Variants in CNOT4 observed in about 807,000 individuals in gnomAD.
The protein encoded by CNOT4 is CCR4-NOT transcription complex subunit 4.
A neutral mutation model predicts 73.8 loss-of-function variants in CNOT4; 8 were observed. The ratio of observed to expected loss-of-function variants is 0.11; its 90% CI spans 0.06 to 0.20. The LOEUF is 0.20. Among genes scored for constraint, CNOT4 ranks in the 10% least tolerant of loss-of-function variants. The pLI is 1.00. For synonymous variants in CNOT4, 293 were observed against 321.1 expected (o/e 0.91, Z 0.94); for missense variants, 564 against 883.4 (o/e 0.64, Z 4.58).
At chr7:135,476,205 G>C (rs1237864456) in intron 1 of CNOT4, among the ~76,000 whole-genome samples, 1 of 152,132 alleles carries the variant, frequency 6.6e-6, no homozygotes, top group Non-Finnish European at 1.5e-5. Context: ...AGTAGGGGCT[G>C]TTATCTTCAA....
intron 7 of CNOT4, among the ~76,000 whole-genome samples, chr7:135,401,712 A>G (rs1290590301): frequency 6.6e-6 from 1 of 152,206 alleles, no homozygotes; most frequent in Non-Finnish European, 1.5e-5. Context: ...AAAGAAAAGC[A>G]GATAATATAA....
chr7:135,370,229 C>A (rs113805787), intron 10 of CNOT4, among the ~76,000 whole-genome samples: 2,909 of 152,042 alleles, frequency 0.019, 95 homozygotes, highest in African/African-American at 0.066. Context: ...ATCTTAAGAA[C>A]CCAAATAAAA....
chr7:135,455,595 C>G (rs914273978), intron 1 of CNOT4, among the ~76,000 whole-genome samples: 2 of 151,786 alleles, frequency 1.3e-5, no homozygotes, highest in Admixed American at 1.3e-4. Flanking sequence ...AAGACTAAGG[C>G]CAGGCACTGT....
intron 10 of CNOT4, chr7:135,388,659 C>A: frequency 1.5e-6 from 2 of 1,339,520 alleles, no homozygotes; most frequent in Middle Eastern, 2.0e-4. Context: ...AACACGCTAG[C>A]TGTAGGCATG....
At position 135,438,338 on chromosome 7, in the gene CNOT4, G is replaced by A. The variant is rs1365029265; in HGVS notation, c.-7C>T. ...CATCAGGACTGCGAGACATCTTCAC[G>A]TTTATTAAACAGCAGCAAAAGTTTA... On this transcript the variant is annotated 5_prime_UTR_variant, in exon 2 of 12. In the 5' UTR this introduces an upstream ATG that the reference lacks. Transcript: ENST00000541284. 6.3e-6 allele frequency: 10 copies of A among 1,583,822 alleles called. No individual in the cohort carries two copies. Among genetic ancestry groups the A allele is most frequent in the South Asian group, 1.2e-5 (1 of 85,818 alleles).
intron 1 of CNOT4, among the ~76,000 whole-genome samples, chr7:135,472,553 A>ATATATATATATG: frequency 9.7e-6 from 1 of 103,122 alleles, no homozygotes; most frequent in Non-Finnish European, 1.9e-5. Context: ...ATATATATAT[A>ATATATATATATG]TATATAAAGT....
At chr7:135,455,589 C>T (rs1224163274) in intron 1 of CNOT4, among the ~76,000 whole-genome samples, 1 of 151,486 alleles carries the variant, frequency 6.6e-6, no homozygotes, top group Non-Finnish European at 1.5e-5. Context: ...AAAAAAAAGA[C>T]TAAGGCCAGG....
chr7:135,387,035 T>C (rs1796155451), intron 10 of CNOT4: 1 of 973,434 alleles, frequency 1.0e-6, no homozygotes, highest in Non-Finnish European at 1.2e-6. Flanking sequence ...TTTGTTATAA[T>C]AACAAGGCCC....
chr7:135,489,979 A>C (rs1250208915), intron 1 of CNOT4, among the ~76,000 whole-genome samples: 2 of 152,248 alleles, frequency 1.3e-5, no homozygotes, highest in Non-Finnish European at 2.9e-5. Context: ...GTAAACAGAT[A>C]AAAGAAATGA....
intron 1 of CNOT4, among the ~76,000 whole-genome samples, chr7:135,462,146 CAAAG>C (rs1483268637): frequency 1.3e-5 from 2 of 150,822 alleles, no homozygotes; most frequent in African/African-American, 2.4e-5. Flanking sequence ...AAAGAGAAAA[CAAAG>C]AAGGTAGATT....
chr7:135,363,860 T>C lies in CNOT4; in HGVS notation c.1834A>G (p.Ile612Val). 6.3e-7 allele frequency: 1 copy of C among 1,591,352 alleles called. No individual in the cohort carries two copies. Among genetic ancestry groups the C allele is most frequent in the Non-Finnish European group, 8.5e-7 (1 of 1,175,302 alleles). ...SPGSWTDPAI[I>V]TGIPASSGNS... ...AAGGGAGTGAGAAAGTTACCTGTGA[T>C]GATGGCTGGGTCTGTCCAGCTGCCA... Residue 612 changes from isoleucine (I) to valine (V), a missense_variant, in exon 11 of 12, where the codon ATC becomes GTC. Ile to Val is a conservative substitution (Grantham distance 29, BLOSUM62 3). This residue lies in a region of CNOT4 where 53 missense variants were observed against 75.4 expected (regional missense o/e 0.70). Coordinates refer to ENST00000541284, the MANE Select transcript of CNOT4 (RefSeq NM_001190850.2). This position sits in a 1 kb window ranked among gnomAD's most constrained non-coding sequence, Gnocchi z 4.3.
At position 135,440,661 on chromosome 7, in the gene CNOT4, C is replaced by T. The variant is rs1799422891; in HGVS notation, c.-92-2238G>A. On this transcript the variant is annotated intron_variant, in intron 1 of 11. Coordinates refer to ENST00000541284, the MANE Select transcript of CNOT4 (RefSeq NM_001190850.2). ...TGCAGGCCGGGTGCAGTGGCTCACGCCTATAATCCCAGCACTTGGAGAGGC... is the reference window on the plus strand; with the variant it reads ...TGCAGGCCGGGTGCAGTGGCTCACGTCTATAATCCCAGCACTTGGAGAGGC... Among the ~76,000 whole-genome samples the T allele has an allele frequency of 2.0e-5, 3 of 152,110 alleles. No individual in the cohort carries two copies. The South Asian group carries it at 6.2e-4, about 31-fold the overall frequency.
chr7:135,469,629 C>T (rs1481426693), intron 1 of CNOT4, among the ~76,000 whole-genome samples: 1 of 152,108 alleles, frequency 6.6e-6, no homozygotes, highest in Non-Finnish European at 1.5e-5. Context: ...CTTGACTTAC[C>T]TCTCACCTCC....
intron 2 of CNOT4, among the ~76,000 whole-genome samples, chr7:135,423,820 C>A (rs112181913): frequency 1.1e-4 from 16 of 152,250 alleles, no homozygotes; most frequent in Admixed American, 8.5e-4. Flanking sequence ...ATTTGGCATA[C>A]TCCAACTTAT....
At chr7:135,399,376 A>G (rs1202157173) in intron 7 of CNOT4, among the ~76,000 whole-genome samples, 1 of 152,138 alleles carries the variant, frequency 6.6e-6, no homozygotes, top group East Asian at 1.9e-4. Flanking sequence ...TAGGCAATGT[A>G]ACATAAGGGT....
chr7:135,488,210 T>C (rs572748847), intron 1 of CNOT4, among the ~76,000 whole-genome samples: 2 of 152,148 alleles, frequency 1.3e-5, no homozygotes, highest in African/African-American at 4.8e-5. Flanking sequence ...CAGGCTGGAG[T>C]GCAGTGAGTG....
rs373762478 is a variant in CNOT4 at position 135,362,732 on chromosome 7, C to T, written c.*153G>A. The T allele has an allele frequency of 1.4e-5, 11 of 795,876 alleles. No individual in the cohort carries two copies. Among genetic ancestry groups the T allele is most frequent in the East Asian group, 9.7e-5 (4 of 41,342 alleles). 49.3% of individuals were successfully genotyped at this position (795,876 alleles called of 1,614,324 possible). ...AAAGAGATGGTAATGACCCTGTGAT[C>T]GCATTGCATCTGGGGTTAGGGAGAA... On this transcript the variant is annotated 3_prime_UTR_variant, in exon 12 of 12. Transcript: ENST00000541284.
intron 10 of CNOT4, among the ~76,000 whole-genome samples, chr7:135,385,164 C>T (rs1796059295): frequency 6.6e-6 from 1 of 152,218 alleles, no homozygotes; most frequent in Non-Finnish European, 1.5e-5. Context: ...TCTTAAAATG[C>T]TATGTTCAAA....
rs562255695 is a variant in CNOT4 at position 135,501,779 on chromosome 7, T to C, written c.-93+8110A>G. ...TCCCAGTAATTAACACTTTATTCCA[T>C]TGAGATCAGACTCCTTACATCCCTC... On this transcript the variant is annotated intron_variant, in intron 1 of 11. Coordinates refer to ENST00000541284, the MANE Select transcript of CNOT4 (RefSeq NM_001190850.2). Among the ~76,000 whole-genome samples, 49 of 152,312 alleles carry C rather than the reference T, an allele frequency of 3.2e-4. 1 individual carries two copies. The highest frequency in any genetic ancestry group is 1.2e-3 in the African/African-American group (48 of 41,574).
Sources: gnomAD v4.1 joint callset for allele counts (sites outside exome capture counted in the v4.1 genomes callset) on GRCh38, gnomAD v4.1.1 for gene constraint, gnomAD v4.1.1 regional missense constraint, Gnocchi (gnomAD v3.1) non-coding constraint, MANE v1.5 for transcripts, NCBI Gene and HGNC (gene_info 2026-07-23, HGNC 2026-07-21) for gene names.